Variants in FSTL5 observed in about 807,000 individuals in gnomAD.
FSTL5 encodes follistatin like 5, also known as follistatin-related protein 5.
Under a neutral mutation model 89.1 loss-of-function variants are expected in FSTL5, and 62 were observed. That is an observed-to-expected ratio of 0.70 (90% CI 0.57 to 0.86). The LOEUF is 0.86. Ranked by LOEUF, FSTL5 falls within the 40% of genes least tolerant of loss-of-function variation. The pLI, the probability that FSTL5 is intolerant of heterozygous loss-of-function variation, is 0.00. For synonymous variants in FSTL5, 383 were observed against 346.2 expected, an observed-to-expected ratio of 1.11 and a Z score of -1.18; for missense variants, 1,057 against 1,001.6, an observed-to-expected ratio of 1.06 and a Z score of -0.75.
At chr4:161,387,067 T>G (rs979482616) in intron 15 of FSTL5, 2 of 152,200 alleles carry the variant, frequency 1.3e-5, no homozygotes, top group Non-Finnish European at 2.9e-5. Flanking sequence ...TTTGTTTGTT[T>G]TGTTGACCTT....
intron 7 of FSTL5, among the ~76,000 whole-genome samples, chr4:161,649,515 A>G (rs1736263559): frequency 6.6e-6 from 1 of 152,210 alleles, no homozygotes; most frequent in Non-Finnish European, 1.5e-5. Flanking sequence ...CCGTTTACCA[A>G]AGGTATAAAA....
chr4:161,710,392 C>T (rs992648853), intron 6 of FSTL5, among the ~76,000 whole-genome samples: 4 of 152,100 alleles, frequency 2.6e-5, no homozygotes, highest in African/African-American at 9.7e-5. Context: ...CTCAAAATGG[C>T]ATACAAAAAT....
rs115304758 is a variant in FSTL5 at position 161,885,080 on chromosome 4, A to G, written c.409+35324T>C. Among the ~76,000 whole-genome samples the G allele has an allele frequency of 7.5e-3, 1,145 of 152,330 alleles. 11 individuals carry two copies. Among genetic ancestry groups the G allele is most frequent in the Admixed American group, 0.031 (472 of 15,302 alleles). On this transcript the variant is annotated intron_variant, in intron 4 of 15. Coordinates refer to ENST00000306100, the MANE Select transcript of FSTL5 (RefSeq NM_020116.5). The stretch of plus-strand genomic sequence containing the variant: ...TCAAAGTAAAAAGATAGATATTATC[A>G]AAAGTTATTTGGTGTTAGAACTTGA...
At chr4:161,608,167 T>C (rs2126632329) in intron 7 of FSTL5, among the ~76,000 whole-genome samples, 1 of 152,210 alleles carries the variant, frequency 6.6e-6, no homozygotes, top group South Asian at 2.1e-4. Context: ...TAAATGACAT[T>C]TTGGAAAATG....
chr4:161,536,181 C>G (rs7676078), intron 10 of FSTL5, among the ~76,000 whole-genome samples: 42,198 of 151,866 alleles, frequency 0.28, 7,028 homozygotes, highest in Non-Finnish European at 0.37. Context: ...ACCCCAAACC[C>G]CAGCACCAAG....
intron 2 of FSTL5, among the ~76,000 whole-genome samples, chr4:162,078,589 C>A (rs894189421): frequency 6.6e-6 from 1 of 151,836 alleles, no homozygotes; most frequent in Non-Finnish European, 1.5e-5. Flanking sequence ...CATTAATAAA[C>A]TATTCTCAAA....
At chr4:161,890,711 G>T (rs886751707) in intron 4 of FSTL5, among the ~76,000 whole-genome samples, 1 of 150,248 alleles carries the variant, frequency 6.7e-6, no homozygotes, top group Non-Finnish European at 1.5e-5. Context: ...AAAAAACAGG[G>T]TCTATTCTCT....
Position 161,741,131 on chromosome 4 carries a change from T to C in FSTL5, c.727+18280A>G, listed in dbSNP as rs78755198. 4.7e-3 allele frequency among the ~76,000 whole-genome samples: 711 copies of C among 152,204 alleles called. 4 individuals carry two copies. Among genetic ancestry groups the C allele is most frequent in the African/African-American group, 0.016 (677 of 41,534 alleles). ...GGTGGAGACAAACACATTCAGACCA[T>C]AGCAGTGTGGTAGGAAGAATAATGA... is the stretch of plus-strand genomic sequence containing the variant. On this transcript the variant is annotated intron_variant, in intron 6 of 15. Transcript: ENST00000306100.
rs201627637 is a variant in FSTL5, at chr4:161,386,357, T to C, written c.1934A>G (p.Tyr645Cys). 50 of 1,613,820 alleles carry C rather than the reference T, an allele frequency of 3.1e-5. No individual in the cohort carries two copies. Among genetic ancestry groups the C allele is most frequent in the Middle Eastern group, 1.6e-4 (1 of 6,078 alleles). ...TGCCAATGACTGAGGAACGCACTTA[T>C]AGTCCTTCAAGTTAATTGTCTTGAT... ...SYIKTINLKD[Y>C]KCVPQSLAYT... Residue 645 changes from tyrosine (Y) to cysteine (C), a missense_variant, in exon 16 of 16, where the codon TAT becomes TGT. Tyr to Cys is a radical substitution (Grantham distance 194, BLOSUM62 -2). This residue lies in a region of FSTL5 where 980 missense variants were observed against 903.2 expected (regional missense o/e 1.08). Coordinates refer to ENST00000306100, the MANE Select transcript of FSTL5 (RefSeq NM_020116.5).
intron 8 of FSTL5, among the ~76,000 whole-genome samples, chr4:161,582,398 T>C (rs1377411747): frequency 1.3e-5 from 2 of 152,230 alleles, no homozygotes; most frequent in Admixed American, 6.5e-5. Flanking sequence ...ATAATTTGCA[T>C]TTTCTCGCAT....
intron 4 of FSTL5, among the ~76,000 whole-genome samples, chr4:161,841,658 T>C (rs1433709811): frequency 3.3e-5 from 5 of 152,162 alleles, no homozygotes; most frequent in Non-Finnish European, 5.9e-5. Flanking sequence ...AAAATAAATA[T>C]ATAAAAATCG....
At chr4:161,602,755 A>G (rs1042252046) in intron 7 of FSTL5, among the ~76,000 whole-genome samples, 3 of 152,296 alleles carry the variant, frequency 2.0e-5, no homozygotes, top group Middle Eastern at 3.4e-3. Context: ...TAGGGTATGG[A>G]TGAAGCAGGG....
chr4:162,054,478 A>C (rs1046234238), intron 2 of FSTL5, among the ~76,000 whole-genome samples: 1 of 151,878 alleles, frequency 6.6e-6, no homozygotes, highest in African/African-American at 2.4e-5. Flanking sequence ...GACAGAGAAA[A>C]AACGAATGAC....
At chr4:162,015,445 C>T (rs1393299712) in intron 3 of FSTL5, among the ~76,000 whole-genome samples, 1 of 152,166 alleles carries the variant, frequency 6.6e-6, no homozygotes, top group East Asian at 1.9e-4. Context: ...GGAATATGCG[C>T]TTCTTCTCTG....
intron 3 of FSTL5, among the ~76,000 whole-genome samples, chr4:161,965,672 A>G (rs185912153): frequency 9.3e-4 from 141 of 152,192 alleles, no homozygotes; most frequent in Non-Finnish European, 1.7e-3. Context: ...GGATATTTAA[A>G]TGTATAAAAA....
At chr4:161,471,877 G>T (rs1369955101) in intron 13 of FSTL5, among the ~76,000 whole-genome samples, 1 of 151,778 alleles carries the variant, frequency 6.6e-6, no homozygotes, top group Non-Finnish European at 1.5e-5. Flanking sequence ...ATTATCTATA[G>T]AATTGGTATA....
intron 15 of FSTL5, among the ~76,000 whole-genome samples, chr4:161,432,658 A>G (rs1732417335): frequency 6.6e-6 from 1 of 151,918 alleles, no homozygotes; most frequent in Non-Finnish European, 1.5e-5. Flanking sequence ...TTTTTGAAAT[A>G]TAAATAAAAG....
At chr4:161,397,640 C>A (rs1333174606) in intron 15 of FSTL5, among the ~76,000 whole-genome samples, 1 of 120,986 alleles carries the variant, frequency 8.3e-6, no homozygotes, top group Non-Finnish European at 1.8e-5. Context: ...AAACAAAAAA[C>A]ATACATATTG....
intron 15 of FSTL5, among the ~76,000 whole-genome samples, chr4:161,451,617 T>C (rs1560901496): frequency 6.6e-6 from 1 of 152,214 alleles, no homozygotes. Flanking sequence ...CCAGAGTCAA[T>C]GGTGAATGAT....
Sources: gnomAD v4.1 joint callset for allele counts (sites outside exome capture counted in the v4.1 genomes callset) on GRCh38, gnomAD v4.1.1 for gene constraint, gnomAD v4.1.1 regional missense constraint, MANE v1.5 for transcripts, NCBI Gene and HGNC (gene_info 2026-07-23, HGNC 2026-07-21) for gene names.